The following TMEM163 variants were observed in gnomAD, a reference collection of about 807,000 sequenced individuals.
TMEM163 encodes the protein transmembrane protein 163.
A neutral mutation model predicts 29.3 loss-of-function variants in TMEM163; 17 were observed. That is an observed-to-expected ratio of 0.58 (90% CI 0.40 to 0.87). TMEM163 has a LOEUF of 0.87. Ranked by LOEUF, TMEM163 falls within the 40% of genes least tolerant of loss-of-function variation. The probability of loss-of-function intolerance (pLI) is 0.00; values close to 1 mark genes in which losing one functional copy is unlikely to be tolerated. For synonymous variants in TMEM163, 157 were observed against 160.6 expected (o/e 0.98, Z 0.17); for missense variants, 303 against 381.5 (o/e 0.79, Z 1.71).
chr2:134,714,167 G>A (rs936797349), intron 1 of TMEM163, among the ~76,000 whole-genome samples: 7 of 87,360 alleles, frequency 8.0e-5, no homozygotes, highest in Non-Finnish European at 1.2e-4. Flanking sequence ...TCTTCAGAAT[G>A]TCTTGATTTA....
At chr2:134,680,141 G>A (rs545248046) in intron 2 of TMEM163, among the ~76,000 whole-genome samples, 4 of 152,302 alleles carry the variant, frequency 2.6e-5, no homozygotes, top group African/African-American at 7.2e-5. Flanking sequence ...TGTTAACTAC[G>A]TAAATGGCTG....
At chr2:134,598,333 A>G (rs1438312017) in intron 2 of TMEM163, among the ~76,000 whole-genome samples, 1 of 152,224 alleles carries the variant, frequency 6.6e-6, no homozygotes, top group Non-Finnish European at 1.5e-5. Context: ...TACACTTACA[A>G]ACACTAAATA....
chr2:134,631,451 C>T (rs1682968202), intron 2 of TMEM163, among the ~76,000 whole-genome samples: 1 of 152,292 alleles, frequency 6.6e-6, no homozygotes, highest in Middle Eastern at 3.4e-3. Context: ...AGCACACTAA[C>T]CCCCAAGAAG....
rs561732757 is a variant in TMEM163, at chr2:134,587,368, G to A, written c.323-35277C>T. ...CAGAGGTTGCAGTGAGCCAAAATAC[G>A]CCATTGCACTCCAGCCTGGGTGACA... is the stretch of plus-strand genomic sequence containing the variant. On this transcript the variant is annotated intron_variant, in intron 2 of 7. Coordinates refer to ENST00000281924, the MANE Select transcript of TMEM163 (RefSeq NM_030923.5). Among the ~76,000 whole-genome samples the A allele has an allele frequency of 4.6e-5, 7 of 152,218 alleles. 1 individual carries two copies. In the East Asian group the frequency reaches 5.8e-4, roughly 13 times the overall value.
chr2:134,558,579 A>G (rs1420446628), intron 2 of TMEM163, among the ~76,000 whole-genome samples: 1 of 152,214 alleles, frequency 6.6e-6, no homozygotes, highest in Non-Finnish European at 1.5e-5. Context: ...CGTGCAGCTG[A>G]ATCAGCAGCA....
chr2:134,526,557 A>C (rs1680304106), intron 4 of TMEM163, among the ~76,000 whole-genome samples: 1 of 152,216 alleles, frequency 6.6e-6, no homozygotes, highest in South Asian at 2.1e-4. Context: ...TCCACATCAG[A>C]AGTCTCTCAA....
chr2:134,529,938 T>C (rs915730268), intron 4 of TMEM163, among the ~76,000 whole-genome samples: 7 of 151,844 alleles, frequency 4.6e-5, no homozygotes, highest in African/African-American at 1.7e-4. Context: ...AGGGCTGTGG[T>C]AGGAATGCAG....
rs73958747 is a variant in TMEM163 at position 134,482,139 on chromosome 2, C to T, written c.556-15914G>A. Among the ~76,000 whole-genome samples, 1,266 of 152,292 alleles carry T rather than the reference C, an allele frequency of 8.3e-3. 20 individuals carry two copies. Among genetic ancestry groups the T allele is most frequent in the African/African-American group, 0.029 (1,195 of 41,558 alleles). On this transcript the variant is annotated intron_variant, in intron 5 of 7. Coordinates refer to ENST00000281924, the MANE Select transcript of TMEM163 (RefSeq NM_030923.5). ...TTGTGACATCAAGTTTCTCTGTCCT[C>T]GCCACCACCCCCATTTTCCCATACA...
intron 2 of TMEM163, among the ~76,000 whole-genome samples, chr2:134,583,454 T>C (rs1048899983): frequency 1.3e-5 from 2 of 151,826 alleles, no homozygotes; most frequent in African/African-American, 4.8e-5. Flanking sequence ...GCTCCTAGAG[T>C]TCGAAGAAAC....
intron 2 of TMEM163, among the ~76,000 whole-genome samples, chr2:134,589,623 C>T (rs1681897635): frequency 6.6e-6 from 1 of 152,154 alleles, no homozygotes; most frequent in Non-Finnish European, 1.5e-5. Flanking sequence ...CTGGGAATTG[C>T]TCTCCCCTTG....
At chr2:134,542,787 T>C (rs1160691757) in intron 4 of TMEM163, among the ~76,000 whole-genome samples, 1 of 152,178 alleles carries the variant, frequency 6.6e-6, no homozygotes. Context: ...TCAAGGTGTC[T>C]GCAGGGCCAC....
chr2:134,488,240 T>C (rs1037491898), intron 5 of TMEM163, among the ~76,000 whole-genome samples: 1 of 152,226 alleles, frequency 6.6e-6, no homozygotes, highest in African/African-American at 2.4e-5. Flanking sequence ...ACATTTTATC[T>C]TGAACTCCTG....
intron 2 of TMEM163, among the ~76,000 whole-genome samples, chr2:134,605,623 G>A (rs1385385632): frequency 2.0e-5 from 3 of 151,900 alleles, no homozygotes; most frequent in Non-Finnish European, 4.4e-5. Flanking sequence ...ACTGGAACCC[G>A]GGAGGTGAGC....
intron 2 of TMEM163, among the ~76,000 whole-genome samples, chr2:134,707,896 A>G (rs16830920): frequency 9.6e-6 from 1 of 103,700 alleles, no homozygotes; most frequent in African/African-American, 3.9e-5. Context: ...GCAGACCAGA[A>G]CTTTTTTTTT....
intron 4 of TMEM163, among the ~76,000 whole-genome samples, chr2:134,520,373 G>A (rs1680167178): frequency 6.6e-6 from 1 of 152,176 alleles, no homozygotes; most frequent in Non-Finnish European, 1.5e-5. Context: ...AGGCAGTAGA[G>A]TACTCCACAA....
At chr2:134,629,884 C>T (rs551512474) in intron 2 of TMEM163, among the ~76,000 whole-genome samples, 1 of 152,278 alleles carries the variant, frequency 6.6e-6, no homozygotes, top group Non-Finnish European at 1.5e-5. Flanking sequence ...ACAAACTGAC[C>T]AGTGTTGGTC....
chr2:134,473,522 T>A (rs1686849717), intron 5 of TMEM163, among the ~76,000 whole-genome samples: 1 of 134,542 alleles, frequency 7.4e-6, no homozygotes. Flanking sequence ...GCAACAAGAG[T>A]GAAACTCTGT....
chr2:134,592,134 GA>G (rs1681949349), intron 2 of TMEM163, among the ~76,000 whole-genome samples: 1 of 152,192 alleles, frequency 6.6e-6, no homozygotes. Context: ...AAGTTTGTCT[GA>G]AGACTTGAAG....
At chr2:134,533,749 A>G (rs931025740) in intron 4 of TMEM163, among the ~76,000 whole-genome samples, 2 of 151,958 alleles carry the variant, frequency 1.3e-5, no homozygotes, top group African/African-American at 4.8e-5. Context: ...CTTCCTCCCC[A>G]GGCTCCCGAG....
Sources: allele counts gnomAD v4.1 joint callset (sites outside exome capture counted in the v4.1 genomes callset), GRCh38; gene constraint gnomAD v4.1.1; transcripts MANE v1.5; gene names NCBI Gene and HGNC (gene_info 2026-07-23, HGNC 2026-07-21).